Variants in MAF observed in about 807,000 individuals in gnomAD.
MAF encodes the protein MAF bZIP transcription factor.
Under a neutral mutation model 22.0 loss-of-function variants are expected in MAF, and 10 were observed. The observed-to-expected ratio is 0.45, with a 90% CI of 0.28 to 0.77. The LOEUF is 0.77. MAF is among the 30% of genes least tolerant of loss of function. MAF has a pLI of 0.12. For synonymous variants in MAF, 337 were observed against 255.8 expected (o/e 1.32, Z -3.03); for missense variants, 544 against 548.4 (o/e 0.99, Z 0.08).
rs2143811191 is a variant in MAF at position 79,599,438 on chromosome 16, C to T, written c.465G>A (p.Glu155=). The change falls in exon 1 of 2, where the codon GAG becomes GAA. Residue 155 remains glutamate, a synonymous_variant. Transcript: ENST00000326043. ...CCACGGCGGCGGCGGGGCCCATCTCCTCGCCGCTGCCGCCCAAGGAGGCGC... is the reference window on the plus strand; with the variant it reads ...CCACGGCGGCGGCGGGGCCCATCTCTTCGCCGCTGCCGCCCAAGGAGGCGC... ...GAGASLGGSG[E]EMGPAAAVVS... The T allele has an allele frequency of 7.3e-6, 9 of 1,239,830 alleles. No individual in the cohort carries two copies. Among genetic ancestry groups the T allele is most frequent in the Non-Finnish European group, 8.0e-6 (8 of 996,418 alleles). The allele number at this position is 1,239,830 out of a possible 1,614,324, so 76.8% of individuals were successfully genotyped here. A position where few individuals can be genotyped will look rare whatever the true frequency, so the allele number is the denominator to read the frequency against.
chr16:79,328,177 G>A, the MAF span, among the ~76,000 whole-genome samples: 4 of 152,108 alleles, frequency 2.6e-5, no homozygotes, highest in Non-Finnish European at 5.9e-5. Flanking sequence ...ATATATTGCC[G>A]CCCTGGGAGT....
the MAF span, among the ~76,000 whole-genome samples, chr16:79,483,465 T>G: frequency 6.7e-6 from 1 of 150,254 alleles, no homozygotes; most frequent in African/African-American, 2.5e-5. Flanking sequence ...CATGCTGGCA[T>G]GGAGTGGACA....
the MAF span, among the ~76,000 whole-genome samples, chr16:79,571,817 C>G: frequency 2.6e-5 from 4 of 152,118 alleles, no homozygotes; most frequent in African/African-American, 9.7e-5. Context: ...TTTTCAGCCA[C>G]GTTGAACAAA....
At chr16:79,551,439 C>T in the MAF span, among the ~76,000 whole-genome samples, 2 of 152,138 alleles carry the variant, frequency 1.3e-5, no homozygotes, top group Non-Finnish European at 2.9e-5. Context: ...CAGGCATAAC[C>T]AAGCTTGAGT....
the MAF span, among the ~76,000 whole-genome samples, chr16:79,533,231 T>C: frequency 2.0e-5 from 3 of 152,208 alleles, no homozygotes; most frequent in Non-Finnish European, 4.4e-5. Context: ...TGCTCATATT[T>C]TTTAAAGGGG....
In MAF at chr16:79,599,318, C is replaced by G. The variant is rs1387241410; in HGVS notation, c.585G>C (p.Pro195=). 2 of 984,214 alleles carry G rather than the reference C, an allele frequency of 2.0e-6. No individual in the cohort carries two copies. The highest frequency in any genetic ancestry group is 2.3e-4 in the East Asian group (2 of 8,722). The allele number at this position is 984,214 out of a possible 1,614,324, so 61.0% of individuals were successfully genotyped here. A position where few individuals can be genotyped will look rare whatever the true frequency, so the allele number is the denominator to read the frequency against. ...CCGCGGCGCCGGGCGCGCCGGCCGTCGGGTGGTGGTGGTGGCCGGCGGCGT... is the reference window on the plus strand; with the variant it reads ...CCGCGGCGCCGGGCGCGCCGGCCGTGGGGTGGTGGTGGTGGCCGGCGGCGT... ...HHHAAGHHHH[P]TAGAPGAAGS... is the part of the protein sequence containing the mutation. Residue 195 remains proline (P), a synonymous_variant, in exon 1 of 2, where the codon CCG becomes CCC. Coordinates refer to ENST00000326043, the MANE Select transcript of MAF (RefSeq NM_005360.5).
the MAF span, among the ~76,000 whole-genome samples, chr16:79,442,711 T>C: frequency 6.6e-6 from 1 of 152,232 alleles, no homozygotes; most frequent in Non-Finnish European, 1.5e-5. Context: ...CTTGCCTGGC[T>C]GAATCTTTTT....
At chr16:79,428,096 TAAAAAAAA>T in the MAF span, among the ~76,000 whole-genome samples, 22 of 104,124 alleles carry the variant, frequency 2.1e-4, no homozygotes, top group African/African-American at 8.1e-4. Flanking sequence ...CGACTCAAAT[TAAAAAAAA>T]AAAAAAAAAA....
the MAF span, among the ~76,000 whole-genome samples, chr16:79,363,583 C>T: frequency 6.6e-6 from 1 of 152,162 alleles, no homozygotes; most frequent in African/African-American, 2.4e-5. Context: ...ATTGCTTTCT[C>T]ACCATTTTAA....
the MAF span, among the ~76,000 whole-genome samples, chr16:79,254,865 C>G: frequency 2.0e-5 from 3 of 152,190 alleles, no homozygotes; most frequent in African/African-American, 7.2e-5. Context: ...TTTGCCTGAC[C>G]TTTCTGAGTT....
the MAF span, among the ~76,000 whole-genome samples, chr16:79,303,630 TG>T: frequency 6.6e-6 from 1 of 152,336 alleles, no homozygotes; most frequent in East Asian, 1.9e-4. Flanking sequence ...CATCTTCCAC[TG>T]GCATGGCAAA....
At chr16:79,275,907 C>T in the MAF span, among the ~76,000 whole-genome samples, 38 of 152,142 alleles carry the variant, frequency 2.5e-4, 1 homozygote, top group Middle Eastern at 6.8e-3. Context: ...TTTGGGAGGT[C>T]GAGGCAGGCA....
chr16:79,428,217 C>T, the MAF span, among the ~76,000 whole-genome samples: 1 of 152,056 alleles, frequency 6.6e-6, no homozygotes, highest in South Asian at 2.1e-4. Context: ...CCCTCACCTC[C>T]TCCACCTGCA....
chr16:79,397,002 C>T, the MAF span, among the ~76,000 whole-genome samples: 3 of 152,190 alleles, frequency 2.0e-5, no homozygotes, highest in Admixed American at 6.5e-5. Flanking sequence ...TGCACCTGCA[C>T]GAGTCATTTA....
chr16:79,220,622 A>T, the MAF span, among the ~76,000 whole-genome samples: 2 of 152,150 alleles, frequency 1.3e-5, no homozygotes, highest in South Asian at 4.1e-4. Flanking sequence ...TGTTTCATTA[A>T]TATAAATCGT....
chr16:79,563,736 A>AACACACACACAC, the MAF span, among the ~76,000 whole-genome samples: 1 of 144,200 alleles, frequency 6.9e-6, no homozygotes, highest in African/African-American at 2.7e-5. Flanking sequence ...TTAGCTAGCA[A>AACACACACACAC]ACACACACAC....
the MAF span, among the ~76,000 whole-genome samples, chr16:79,210,983 G>A: frequency 6.6e-6 from 1 of 152,022 alleles, no homozygotes; most frequent in Non-Finnish European, 1.5e-5. Context: ...CATGGGATCT[G>A]GATGAATTAA....
chr16:79,569,320 G>A, the MAF span, among the ~76,000 whole-genome samples: 2 of 152,178 alleles, frequency 1.3e-5, no homozygotes, highest in African/African-American at 4.8e-5. Context: ...TTCAGACATT[G>A]CCAAATGTCC....
At chr16:79,489,986 G>T in the MAF span, among the ~76,000 whole-genome samples, 1 of 152,146 alleles carries the variant, frequency 6.6e-6, no homozygotes, top group Non-Finnish European at 1.5e-5. Context: ...AAGGTAGATG[G>T]AAAAAAGCTA....
Sources: gnomAD v4.1 joint callset for allele counts (sites outside exome capture counted in the v4.1 genomes callset) on GRCh38, gnomAD v4.1.1 for gene constraint, MANE v1.5 for transcripts, NCBI Gene and HGNC (gene_info 2026-07-23, HGNC 2026-07-21) for gene names.